MAST4: variants seen among roughly 807,000 people sequenced by gnomAD.
MAST4 encodes the protein microtubule associated serine/threonine kinase family member 4, also known as microtubule-associated serine/threonine-protein kinase 4.
In MAST4, 89 loss-of-function variants were observed where a neutral mutation model predicts 162.7. That is an observed-to-expected ratio of 0.55 (90% CI 0.46 to 0.65). The LOEUF (loss-of-function observed/expected upper bound fraction) is 0.65. Among genes scored for constraint, MAST4 ranks in the 30% least tolerant of loss-of-function variants. The pLI, the probability that MAST4 is intolerant of heterozygous loss-of-function variation, is 0.00. For synonymous variants in MAST4, 1,479 were observed against 1,361.1 expected, an observed-to-expected ratio of 1.09 and a Z score of -1.91; for missense variants, 3,153 against 3,374.0, an observed-to-expected ratio of 0.93 and a Z score of 1.62.
intron 3 of MAST4, among the ~76,000 whole-genome samples, chr5:66,870,285 A>G (rs1016203822): frequency 4.6e-5 from 7 of 152,130 alleles, no homozygotes; most frequent in Non-Finnish European, 8.8e-5. Flanking sequence ...TGGACACAGG[A>G]GCTTCTGAGG....
chr5:66,706,610 T>G (rs1376616994), intron 1 of MAST4, among the ~76,000 whole-genome samples: 1 of 11,692 alleles, frequency 8.6e-5, no homozygotes, highest in Non-Finnish European at 1.2e-4. Context: ...AAATAGTAAT[T>G]TTTTTTTTTT....
intron 4 of MAST4, among the ~76,000 whole-genome samples, chr5:67,005,915 T>C (rs1038415017): frequency 6.6e-6 from 1 of 152,240 alleles, no homozygotes; most frequent in Non-Finnish European, 1.5e-5. Context: ...CATGTGAACA[T>C]GCATGAGAGC....
intron 3 of MAST4, among the ~76,000 whole-genome samples, chr5:66,847,956 T>G (rs923116337): frequency 6.6e-6 from 1 of 152,124 alleles, no homozygotes; most frequent in Non-Finnish European, 1.5e-5. Context: ...AATCAAGTTC[T>G]TACAGCCACT....
chr5:66,842,380 T>C (rs1038564533), intron 3 of MAST4, among the ~76,000 whole-genome samples: 14 of 152,176 alleles, frequency 9.2e-5, no homozygotes, highest in African/African-American at 3.1e-4. Context: ...TTTACCTTTC[T>C]GCCTGGAAAA....
chr5:66,642,272 AG>A lies in MAST4; in HGVS notation c.363+45258del, dbSNP rs375836230. Among the ~76,000 whole-genome samples the A allele has an allele frequency of 8.5e-4, 130 of 152,338 alleles. 2 individuals are homozygous for A. In the South Asian group the frequency reaches 0.026, roughly 31 times the overall value. Reference sequence around the variant, plus strand: ...GGATGCAGTCAGAAAAATCTGAACCAGGGGAAACTGTGCATAGGACAAATTA... The same window carrying A: ...GGATGCAGTCAGAAAAATCTGAACCAGGGAAACTGTGCATAGGACAAATTA... On this transcript the variant is annotated intron_variant, in intron 1 of 28. Coordinates refer to ENST00000403625, the MANE Select transcript of MAST4 (RefSeq NM_001164664.2).
rs890576872 is a variant in MAST4, at chr5:67,144,768, C to A, written c.2830C>A (p.Leu944Met). The A allele has an allele frequency of 6.2e-7, 1 of 1,612,658 alleles. No homozygotes were observed. The highest frequency in any genetic ancestry group is 2.2e-5 in the East Asian group (1 of 44,858). ...KSTTLPSTET[L>M]SWSSEYSEMQ... ...CACCACCTTGCCATCCACAGAAACA[C>A]TGAGCTGGAGTTCAGAATATTCTGA... The change falls in exon 22 of 29, where the codon CTG (leucine) becomes ATG (methionine). Residue 944 changes from leucine to methionine, a missense_variant. Coordinates refer to ENST00000403625, the MANE Select transcript of MAST4 (RefSeq NM_001164664.2).
chr5:66,886,672 A>T (rs1352960240), intron 3 of MAST4, among the ~76,000 whole-genome samples: 1 of 149,000 alleles, frequency 6.7e-6, no homozygotes, highest in African/African-American at 2.5e-5. Context: ...TAAGCATGCC[A>T]ATCCAATATG....
At chr5:66,819,832 G>C (rs1024302822) in intron 3 of MAST4, among the ~76,000 whole-genome samples, 4 of 148,296 alleles carry the variant, frequency 2.7e-5, no homozygotes, top group African/African-American at 1.0e-4. Flanking sequence ...GGAGTGCACT[G>C]GTGCAATCTC....
At chr5:66,777,371 G>A (rs990748163) in intron 2 of MAST4, among the ~76,000 whole-genome samples, 1 of 152,154 alleles carries the variant, frequency 6.6e-6, no homozygotes, top group Non-Finnish European at 1.5e-5. Context: ...CAGATGATAG[G>A]TTCTTTGTTT....
At chr5:66,909,778 G>T (rs1466126029) in intron 4 of MAST4, among the ~76,000 whole-genome samples, 3 of 152,154 alleles carry the variant, frequency 2.0e-5, no homozygotes, top group Non-Finnish European at 2.9e-5. Flanking sequence ...CACGTCAAAG[G>T]TAGGGCCAGG....
intron 4 of MAST4, among the ~76,000 whole-genome samples, chr5:67,047,281 T>G (rs968390683): frequency 2.0e-5 from 3 of 152,220 alleles, no homozygotes; most frequent in African/African-American, 7.2e-5. Context: ...GACTCTGCAC[T>G]GTGGCCTGCA....
intron 3 of MAST4, among the ~76,000 whole-genome samples, chr5:66,843,385 A>G (rs1387363087): frequency 3.3e-5 from 5 of 152,218 alleles, no homozygotes; most frequent in Non-Finnish European, 5.9e-5. Flanking sequence ...CATTTGATCT[A>G]CAAGTTAGCC....
intron 1 of MAST4, among the ~76,000 whole-genome samples, chr5:66,715,469 A>G (rs554258311): frequency 2.1e-5 from 3 of 145,242 alleles, no homozygotes; most frequent in African/African-American, 7.6e-5. Flanking sequence ...TATTTACATG[A>G]ACAAGGCTTT....
chr5:67,033,880 G>A lies in MAST4; in HGVS notation c.675-20524G>A, dbSNP rs373402187. ...CCGCATCTACGTATGCCATCCATCT[G>A]CAGATGGATGTAAACAATGAAGTAT... On this transcript the variant is annotated intron_variant, in intron 4 of 28. Coordinates refer to ENST00000403625, the MANE Select transcript of MAST4 (RefSeq NM_001164664.2). Among the ~76,000 whole-genome samples, 50 of 152,232 alleles carry A rather than the reference G, an allele frequency of 3.3e-4. 1 individual carries two copies. The highest frequency in any genetic ancestry group is 1.9e-3 in the East Asian group (10 of 5,180).
At chr5:67,144,182 C>T (rs1479151670) in intron 21 of MAST4, among the ~76,000 whole-genome samples, 1 of 152,142 alleles carries the variant, frequency 6.6e-6, no homozygotes, top group Non-Finnish European at 1.5e-5. Context: ...CTTGCCACAC[C>T]ACCACCCAGT....
At chr5:66,910,717 A>G (rs1191373836) in intron 4 of MAST4, among the ~76,000 whole-genome samples, 3 of 142,656 alleles carry the variant, frequency 2.1e-5, no homozygotes, top group African/African-American at 7.8e-5. Flanking sequence ...TTTCCATCTG[A>G]ATACACATGT....
chr5:67,000,518 G>A (rs1751158893), intron 4 of MAST4, among the ~76,000 whole-genome samples: 2 of 152,140 alleles, frequency 1.3e-5, no homozygotes, highest in Admixed American at 1.3e-4. Flanking sequence ...GGCTGAGGCG[G>A]GTGGATTACC....
intron 2 of MAST4, 60 bp from the exon 3 acceptor site, chr5:66,788,607 CATT>C: frequency 8.7e-6 from 12 of 1,373,568 alleles, no homozygotes; most frequent in Non-Finnish European, 1.1e-5. Context: ...CCCCCACCCC[CATT>C]GCAATAAGAC....
Position 67,054,479 on chromosome 5 carries a change from C to G in MAST4, c.750C>G (p.Leu250=), listed in dbSNP as rs1758565494. 4 of 1,609,838 alleles carry G rather than the reference C, an allele frequency of 2.5e-6. No homozygotes were observed. Among genetic ancestry groups the G allele is most frequent in the Non-Finnish European group, 3.4e-6 (4 of 1,178,122 alleles). ...SPALPRPHSP[L]SAHAGNSPQD... The stretch of plus-strand genomic sequence containing the variant: ...CATTGCCTCGACCACACTCACCTCT[C>G]TCTGCTCATGCAGGTAATTGGTTAC... The change falls in exon 5 of 29, where the codon CTC becomes CTG. Residue 250 remains leucine (L), a synonymous_variant. Transcript: ENST00000403625.
Sources: allele counts gnomAD v4.1 joint callset (sites outside exome capture counted in the v4.1 genomes callset), GRCh38; gene constraint gnomAD v4.1.1; transcripts MANE v1.5; gene names NCBI Gene and HGNC (gene_info 2026-07-23, HGNC 2026-07-21).